The following CENPQ variants were observed in gnomAD, a reference collection of about 807,000 sequenced individuals.
CENPQ encodes centromere protein Q.
Under a neutral mutation model 36.6 loss-of-function variants are expected in CENPQ, and 27 were observed. That is an observed-to-expected ratio of 0.74 (90% CI 0.54 to 1.02). The LOEUF is 1.02. Ranked by LOEUF, CENPQ falls within the 50% of genes least tolerant of loss-of-function variation. The pLI, the probability that CENPQ is intolerant of heterozygous loss-of-function variation, is 0.00. For synonymous variants in CENPQ, 101 were observed against 101.7 expected (o/e 0.99, Z 0.04); for missense variants, 306 against 301.8 (o/e 1.01, Z -0.10).
intron 1 of CENPQ, among the ~76,000 whole-genome samples, chr6:49,465,041 T>C (rs894436740): frequency 5.3e-5 from 8 of 152,232 alleles, no homozygotes; most frequent in Admixed American, 4.6e-4. Context: ...CTTTACAAAA[T>C]GTATTTCTTA....
At chr6:49,483,166 C>A (rs1371153945) in intron 6 of CENPQ, among the ~76,000 whole-genome samples, 1 of 152,152 alleles carries the variant, frequency 6.6e-6, no homozygotes. Context: ...TTCTCCACGT[C>A]CCCACCAGAG....
At chr6:49,473,001 T>C (rs1768181576) in intron 5 of CENPQ, 143 bp downstream of exon 5, 1 of 544,612 alleles carries the variant, frequency 1.8e-6, no homozygotes, top group Non-Finnish European at 2.7e-6. Context: ...ATGTTTTCTC[T>C]TTTTTCTAAA....
chr6:49,486,364 A>G (rs1168784729), intron 6 of CENPQ, among the ~76,000 whole-genome samples: 2 of 152,178 alleles, frequency 1.3e-5, no homozygotes, highest in Admixed American at 1.3e-4. Context: ...AAACTAATAT[A>G]TGTGGTTTGC....
chr6:49,481,702 C>A (rs1033615743), intron 6 of CENPQ, among the ~76,000 whole-genome samples: 1 of 152,126 alleles, frequency 6.6e-6, no homozygotes, highest in Non-Finnish European at 1.5e-5. Context: ...ATTTACAATC[C>A]CTGAGCTAGA....
At chr6:49,482,197 A>G (rs1326056798) in intron 6 of CENPQ, among the ~76,000 whole-genome samples, 1 of 151,750 alleles carries the variant, frequency 6.6e-6, no homozygotes, top group Non-Finnish European at 1.5e-5. Flanking sequence ...TCCCGCTCGC[A>G]CCTCTCCCTC....
At chr6:49,481,168 C>T in intron 6 of CENPQ, 88 bp downstream of exon 6, 1 of 1,120,880 alleles carries the variant, frequency 8.9e-7, no homozygotes, top group Non-Finnish European at 1.3e-6. Context: ...GATGTTCTTC[C>T]AGTAGTGAAT....
At chr6:49,480,683 A>G (rs1768405435) in intron 5 of CENPQ, among the ~76,000 whole-genome samples, 1 of 152,194 alleles carries the variant, frequency 6.6e-6, no homozygotes, top group Non-Finnish European at 1.5e-5. Flanking sequence ...AAATGTATAT[A>G]AATTGTCAAA....
intron 1 of CENPQ, among the ~76,000 whole-genome samples, chr6:49,466,464 A>C (rs1768002198): frequency 6.6e-6 from 1 of 152,212 alleles, no homozygotes; most frequent in African/African-American, 2.4e-5. Flanking sequence ...CAATAAAAAG[A>C]GTTATGCCTG....
chr6:49,484,363 G>T (rs1183718070), intron 6 of CENPQ, among the ~76,000 whole-genome samples: 1 of 152,192 alleles, frequency 6.6e-6, no homozygotes, highest in African/African-American at 2.4e-5. Flanking sequence ...TCACTATGTT[G>T]TATGGCATCC....
In CENPQ at chr6:49,470,979, A is replaced by C; in HGVS notation, c.108A>C (p.Arg36Ser). 1 of 1,518,936 alleles carries C rather than the reference A, an allele frequency of 6.6e-7. No homozygotes were observed. Among genetic ancestry groups the C allele is most frequent in the Non-Finnish European group, 8.9e-7 (1 of 1,126,946 alleles). The allele number at this position is 1,518,936 out of a possible 1,614,324, so 94.1% of individuals were successfully genotyped here. ...EEVVLSENKV[R>S]NTVKKNKNHL... ...GCATGTGTTTTTCCCTCTAGGTTAG[A>C]AACACAGTGAAAAAAAATAAAAATC... The change falls in exon 3 of 9, where the codon AGA (arginine) becomes AGC (serine). Residue 36 changes from arginine to serine, a missense_variant. Physicochemically the swap from Arg to Ser is moderately radical, Grantham distance 110. Transcript: ENST00000335783.
At chr6:49,480,827 C>T in intron 5 of CENPQ, 124 bp from the exon 6 acceptor site, 1 of 494,552 alleles carries the variant, frequency 2.0e-6, no homozygotes, top group Non-Finnish European at 3.3e-6. Flanking sequence ...GGCAATGTTA[C>T]CCAGTGGTAA....
At chr6:49,473,869 C>T (rs1369162138) in intron 5 of CENPQ, among the ~76,000 whole-genome samples, 1 of 152,040 alleles carries the variant, frequency 6.6e-6, no homozygotes, top group East Asian at 1.9e-4. Flanking sequence ...GGTTGCAATC[C>T]TAGTCTCTGA....
chr6:49,476,133 A>T (rs1768283481), intron 5 of CENPQ, among the ~76,000 whole-genome samples: 1 of 152,214 alleles, frequency 6.6e-6, no homozygotes, highest in Non-Finnish European at 1.5e-5. Context: ...CTAAGCAAAA[A>T]GAACAAAGCT....
chr6:49,470,857 A>G (rs370755367), intron 2 of CENPQ, 117 bp from the exon 3 acceptor site: 2 of 482,636 alleles, frequency 4.1e-6, no homozygotes, highest in East Asian at 6.9e-5. Flanking sequence ...CATTTTTTCT[A>G]TGTACTAGAA....
chr6:49,479,835 C>A (rs1248840766), intron 5 of CENPQ, among the ~76,000 whole-genome samples: 9 of 152,122 alleles, frequency 5.9e-5, no homozygotes, highest in African/African-American at 1.9e-4. Context: ...ACGGTTGGAG[C>A]TAGAGGTCAT....
rs985655912 is a variant in CENPQ at position 49,492,373 on chromosome 6, G to T, written c.*98G>T. On this transcript the variant is annotated 3_prime_UTR_variant, in exon 9 of 9. Transcript: ENST00000335783. ...TATATGTACAGAGGCTAAGGCTTCT[G>T]CAGGATTTATTATCTCCTGATATGC... 2.5e-5 allele frequency: 27 copies of T among 1,064,092 alleles called. No individual in the cohort carries two copies. Among genetic ancestry groups the T allele is most frequent in the Non-Finnish European group, 3.4e-5 (26 of 768,080 alleles). 65.9% of individuals were successfully genotyped at this position (1,064,092 alleles called of 1,614,324 possible).
chr6:49,477,615 AG>A (rs1396688318), intron 5 of CENPQ, among the ~76,000 whole-genome samples: 7 of 152,166 alleles, frequency 4.6e-5, no homozygotes, highest in Admixed American at 4.6e-4. Flanking sequence ...AAGTTTGCCT[AG>A]AAATATTTGT....
At chr6:49,486,187 G>T (rs1470385569) in intron 6 of CENPQ, among the ~76,000 whole-genome samples, 1 of 152,172 alleles carries the variant, frequency 6.6e-6, no homozygotes, top group Non-Finnish European at 1.5e-5. Flanking sequence ...TACAAAGAAT[G>T]CTGACAGCTA....
rs144715745 is a variant in CENPQ, at chr6:49,484,673, A to C, written c.477+3593A>C. On this transcript the variant is annotated intron_variant, in intron 6 of 8. Transcript: ENST00000335783. ...CCCATTTTTCCATAGGATTGAGAAT[A>C]AAGTTGAAGGAACAATTTCTGAGCA... is the stretch of plus-strand genomic sequence containing the variant. Among the ~76,000 whole-genome samples the C allele has an allele frequency of 9.8e-5, 15 of 152,336 alleles. No individual in the cohort carries two copies. The East Asian group carries it at 1.9e-3, about 20-fold the overall frequency.
Sources: allele counts gnomAD v4.1 joint callset (sites outside exome capture counted in the v4.1 genomes callset), GRCh38; gene constraint gnomAD v4.1.1; transcripts MANE v1.5; gene names NCBI Gene and HGNC (gene_info 2026-07-23, HGNC 2026-07-21).